LPIN2: variants seen among roughly 807,000 people sequenced by gnomAD.
LPIN2 encodes lipin 2.
Under a neutral mutation model 111.4 loss-of-function variants are expected in LPIN2, and 55 were observed. The ratio of observed to expected loss-of-function variants is 0.49; its 90% CI spans 0.40 to 0.62. LPIN2 has a LOEUF of 0.62. LPIN2 is among the 20% of genes least tolerant of loss of function. LPIN2 has a pLI of 0.00. For synonymous variants in LPIN2, 425 were observed against 414.0 expected (o/e 1.03, Z -0.32); for missense variants, 992 against 1,112.1 (o/e 0.89, Z 1.54).
chr18:2,996,506 C>G (rs2078346792), intron 1 of LPIN2, among the ~76,000 whole-genome samples: 1 of 104,032 alleles, frequency 9.6e-6, no homozygotes. Context: ...GAGACAGAGT[C>G]TCTCTCTGTC....
chr18:2,938,720 A>G (rs1435560076), intron 6 of LPIN2, among the ~76,000 whole-genome samples: 1 of 152,228 alleles, frequency 6.6e-6, no homozygotes, highest in Non-Finnish European at 1.5e-5. Flanking sequence ...ATTCGATCAC[A>G]AATATATGCA....
In LPIN2 at chr18:2,917,930, C is replaced by T. The variant is rs2076993786; in HGVS notation, c.*2363G>A. On this transcript the variant is annotated 3_prime_UTR_variant, in exon 20 of 20. Transcript: ENST00000677752. ...GAGGGTGATGCTTCAACTCACCATC[C>T]TAAGGGTTTGTGTACAAACACACTC... 6.6e-6 allele frequency: 1 copy of T among 152,200 alleles called. No homozygotes were observed. The highest frequency in any genetic ancestry group is 2.1e-4 in the South Asian group (1 of 4,834). The allele number at this position is 152,200 out of a possible 1,614,324, so 9.4% of individuals were successfully genotyped here.
intron 1 of LPIN2, chr18:2,967,711 T>A (rs2077830294): frequency 6.6e-6 from 1 of 152,250 alleles, no homozygotes; most frequent in African/African-American, 2.4e-5. Flanking sequence ...CGCCAAGCCC[T>A]GACGGGGAAT....
At chr18:2,983,124 C>T (rs921852807) in intron 1 of LPIN2, among the ~76,000 whole-genome samples, 8 of 152,164 alleles carry the variant, frequency 5.3e-5, no homozygotes, top group Non-Finnish European at 1.0e-4. Flanking sequence ...CCAATCACAT[C>T]CTCATTTTTT....
intron 1 of LPIN2, chr18:2,972,226 C>G (rs1022485267): frequency 6.6e-5 from 10 of 152,210 alleles, no homozygotes; most frequent in African/African-American, 2.4e-4. Flanking sequence ...AAAATGACAC[C>G]GCCTCAGGAT....
At chr18:3,006,322 A>G (rs565633621) in intron 1 of LPIN2, among the ~76,000 whole-genome samples, 11 of 152,374 alleles carry the variant, frequency 7.2e-5, no homozygotes, top group South Asian at 2.1e-4. Flanking sequence ...CCAAATTTCT[A>G]TATTTCAAAT....
At chr18:2,964,442 A>C (rs760774453) in intron 1 of LPIN2, among the ~76,000 whole-genome samples, 1 of 152,150 alleles carries the variant, frequency 6.6e-6, no homozygotes, top group African/African-American at 2.4e-5. Context: ...AATTAGGTTT[A>C]GATGAGGTCA....
At chr18:2,982,020 T>C (rs2078118352) in intron 1 of LPIN2, among the ~76,000 whole-genome samples, 1 of 152,212 alleles carries the variant, frequency 6.6e-6, no homozygotes, top group Non-Finnish European at 1.5e-5. Context: ...AGTCACTTGA[T>C]TTTGTTTCTT....
chr18:3,007,171 T>C (rs2143501708), intron 1 of LPIN2, among the ~76,000 whole-genome samples: 1 of 152,212 alleles, frequency 6.6e-6, no homozygotes, highest in South Asian at 2.1e-4. Context: ...TAGTTATTTA[T>C]TTTTATTTAT....
chr18:2,943,841 G>A (rs1213826562), intron 4 of LPIN2, among the ~76,000 whole-genome samples: 1 of 152,102 alleles, frequency 6.6e-6, no homozygotes, highest in Non-Finnish European at 1.5e-5. Context: ...TTGTAACAGA[G>A]CTAAACCTTT....
chr18:2,960,140 A>C (rs1215367093), intron 2 of LPIN2, among the ~76,000 whole-genome samples: 1 of 150,814 alleles, frequency 6.6e-6, no homozygotes, highest in African/African-American at 2.4e-5. Flanking sequence ...GCTGTACTCC[A>C]GCCTGGACAG....
chr18:2,976,649 C>A (rs2078021939), intron 1 of LPIN2, among the ~76,000 whole-genome samples: 1 of 152,166 alleles, frequency 6.6e-6, no homozygotes. Context: ...ATTTCTCTGA[C>A]AAATGTTTAT....
At chr18:3,010,208 G>A (rs551202911) in intron 1 of LPIN2, among the ~76,000 whole-genome samples, 3 of 152,074 alleles carry the variant, frequency 2.0e-5, no homozygotes, top group Admixed American at 6.5e-5. Context: ...TTACTAAAAT[G>A]AAGATTCAAG....
chr18:2,926,688 A>G (rs367661838), intron 13 of LPIN2, 35 bp downstream of exon 13: 25 of 1,590,984 alleles, frequency 1.6e-5, no homozygotes, highest in Non-Finnish European at 2.1e-5. Flanking sequence ...AGAGGGCCTG[A>G]GTGCTATGAG....
At chr18:2,923,530 AG>A (rs2077087430) in intron 16 of LPIN2, among the ~76,000 whole-genome samples, 1 of 152,028 alleles carries the variant, frequency 6.6e-6, no homozygotes, top group African/African-American at 2.4e-5. Context: ...CTGTCATTCT[AG>A]TTATAGATGT....
At chr18:2,980,021 A>C (rs1017940105) in intron 1 of LPIN2, among the ~76,000 whole-genome samples, 11 of 152,230 alleles carry the variant, frequency 7.2e-5, no homozygotes, top group African/African-American at 2.7e-4. Context: ...GCAAGAGCAC[A>C]AACACTCCTA....
Position 2,920,792 on chromosome 18 carries a change from T to C in LPIN2, c.2532A>G (p.Lys844=). 6.2e-7 allele frequency: 1 copy of C among 1,613,830 alleles called. No homozygotes were observed. The highest frequency in any genetic ancestry group is 8.5e-7 in the Non-Finnish European group (1 of 1,179,702). The change falls in exon 19 of 20, where the codon AAA becomes AAG. Residue 844 remains lysine (K), a synonymous_variant. Transcript: ENST00000677752. ...PKGELIQERT[K]GNKSSYHRLS... ...AATGTACTTACGATGACTTGTTTCCTTTGGTTCTTTCTTGTATTAATTCAC... is the reference window on the plus strand; with the variant it reads ...AATGTACTTACGATGACTTGTTTCCCTTGGTTCTTTCTTGTATTAATTCAC...
At chr18:2,928,319 T>G (rs2077165696) in intron 11 of LPIN2, among the ~76,000 whole-genome samples, 2 of 152,210 alleles carry the variant, frequency 1.3e-5, no homozygotes, top group Non-Finnish European at 1.5e-5. Context: ...AACTTATGAT[T>G]AGTAAAATCT....
At chr18:2,951,701 AG>A (rs2077540242) in intron 3 of LPIN2, among the ~76,000 whole-genome samples, 1 of 152,192 alleles carries the variant, frequency 6.6e-6, no homozygotes, top group Non-Finnish European at 1.5e-5. Flanking sequence ...AAATCTCAGG[AG>A]GTGTTACAAA....
Sources: allele counts gnomAD v4.1 joint callset (sites outside exome capture counted in the v4.1 genomes callset), GRCh38; gene constraint gnomAD v4.1.1; transcripts MANE v1.5; gene names NCBI Gene and HGNC (gene_info 2026-07-23, HGNC 2026-07-21).